SLC26A11: variants seen among roughly 807,000 people sequenced by gnomAD.
SLC26A11 encodes solute carrier family 26 member 11, also known as sodium-independent sulfate anion transporter.
In SLC26A11, 58 loss-of-function variants were observed where a neutral mutation model predicts 62.2. The ratio of observed to expected loss-of-function variants is 0.93; its 90% CI spans 0.76 to 1.16. The LOEUF is 1.16. Among genes scored for constraint, SLC26A11 ranks in the 50% most tolerant of loss-of-function variants. The probability of loss-of-function intolerance (pLI) is 0.00; values close to 1 mark genes in which losing one functional copy is unlikely to be tolerated. For synonymous variants in SLC26A11, 411 were observed against 368.9 expected (o/e 1.11, Z -1.31); for missense variants, 790 against 794.3 (o/e 0.99, Z 0.06).
At chr17:80,249,427 A>T in intron 16 of SLC26A11, 140 bp downstream of exon 16, 4 of 1,226,674 alleles carry the variant, frequency 3.3e-6, no homozygotes, top group Non-Finnish European at 3.4e-6. Context: ...TTCTGATTTA[A>T]ACAGTTCTTG....
chr17:80,242,668 G>A (rs764987402), intron 10 of SLC26A11, among the ~76,000 whole-genome samples: 5 of 152,176 alleles, frequency 3.3e-5, no homozygotes, highest in South Asian at 2.1e-4. Context: ...ACGTCTCTGC[G>A]GGCTGACTTC....
chr17:80,247,735 C>T (rs895964913), intron 13 of SLC26A11, among the ~76,000 whole-genome samples: 7 of 152,172 alleles, frequency 4.6e-5, no homozygotes, highest in South Asian at 2.1e-4. Context: ...CCTATGCGTG[C>T]GGTGGAATCC....
intron 9 of SLC26A11, among the ~76,000 whole-genome samples, chr17:80,240,324 G>A (rs368212249): frequency 1.7e-4 from 25 of 150,532 alleles, no homozygotes; most frequent in Admixed American, 1.2e-3. Flanking sequence ...CCAAGATCGC[G>A]CCACTGTACT....
In SLC26A11 at chr17:80,223,311, G is replaced by A. The variant is rs367684406; in HGVS notation, c.487G>A (p.Val163Ile). 4.5e-5 allele frequency: 72 copies of A among 1,614,102 alleles called. No homozygotes were observed. The highest frequency in any genetic ancestry group is 3.3e-4 in the Middle Eastern group (2 of 6,060). Residue 163 changes from valine (V) to isoleucine (I), a missense_variant, in exon 5 of 18, where the codon GTC becomes ATC. By Grantham distance (29) the Val-to-Ile change is conservative. Transcript: ENST00000361193. This position sits in a 1 kb window ranked among gnomAD's most constrained non-coding sequence, Gnocchi z 4.6. ...TAAAGGCTTCACCTCTGCTGCTGCC[G>A]TCACCATCGGCTTTGGACAGATCAA... Reference protein sequence around the residue: ...VIKGFTSAAAVTIGFGQIKNL... With the variant: ...VIKGFTSAAAITIGFGQIKNL...
rs1444265174 is a variant in SLC26A11 at position 80,220,465 on chromosome 17, G to C, written c.-245G>C. 4.5e-6 allele frequency: 3 copies of C among 663,922 alleles called. No individual in the cohort carries two copies. Among genetic ancestry groups the C allele is most frequent in the Non-Finnish European group, 6.8e-6 (3 of 440,672 alleles). The allele number at this position is 663,922 out of a possible 1,614,324, so 41.1% of individuals were successfully genotyped here. On this transcript the variant is annotated 5_prime_UTR_variant, in exon 1 of 18. Coordinates refer to ENST00000361193, the MANE Select transcript of SLC26A11 (RefSeq NM_001166347.2). ...TTCCTGCGGACCCAGCTGCGGCGAC[G>C]CCAGGAGACCCCAAGCTGCATCGCC...
intron 7 of SLC26A11, among the ~76,000 whole-genome samples, chr17:80,230,138 T>G (rs2042522998): frequency 6.9e-6 from 1 of 144,530 alleles, no homozygotes; most frequent in African/African-American, 2.6e-5. Flanking sequence ...GAGGTTATAG[T>G]GAGCCAAGAC....
chr17:80,248,704 G>A (rs765140393), intron 15 of SLC26A11, 30 bp downstream of exon 15: 31 of 1,547,052 alleles, frequency 2.0e-5, no homozygotes, highest in Non-Finnish European at 2.4e-5. Context: ...GGTGGTCTGA[G>A]GTCACTCCCC....
chr17:80,227,602 G>T (rs2042445661), intron 6 of SLC26A11, among the ~76,000 whole-genome samples: 1 of 152,262 alleles, frequency 6.6e-6, no homozygotes, highest in Admixed American at 6.5e-5. Context: ...GCTTGCTAAA[G>T]TTCCTGAGCT....
chr17:80,223,938 C>A lies in SLC26A11; in HGVS notation c.513+601C>A, dbSNP rs1208269774. 6.6e-6 allele frequency among the ~76,000 whole-genome samples: 1 copy of A among 152,182 alleles called. No individual in the cohort carries two copies. Among genetic ancestry groups the A allele is most frequent in the Non-Finnish European group, 1.5e-5 (1 of 68,042 alleles). On this transcript the variant is annotated intron_variant, in intron 5 of 17. Coordinates refer to ENST00000361193, the MANE Select transcript of SLC26A11 (RefSeq NM_001166347.2). This position sits in a 1 kb window ranked among gnomAD's most constrained non-coding sequence, Gnocchi z 4.6. ...GGAACTGTCCTTCTCCCAGCCATGG[C>A]CGCCCAGCATTGGGCTGGTGCAGTA...
chr17:80,251,971 G>T (rs1269965316), intron 17 of SLC26A11, among the ~76,000 whole-genome samples: 1 of 152,124 alleles, frequency 6.6e-6, no homozygotes, highest in Admixed American at 6.6e-5. Context: ...TGTCCTTCCA[G>T]CCGAAAGTCC....
Position 80,246,211 on chromosome 17 carries a change from T to A in SLC26A11, c.1153+2T>A, listed in dbSNP as rs773060485. ...CCCCGGCGGGGGGCCTGGTGACGGGTAAGGCCCCCCATCTTCCCCTTGTGC... is the reference window on the plus strand; with the variant it reads ...CCCCGGCGGGGGGCCTGGTGACGGGAAAGGCCCCCCATCTTCCCCTTGTGC... On this transcript the variant is annotated splice_donor_variant, in intron 12 of 17. Transcript: ENST00000361193. LOFTEE classifies it high-confidence loss of function. This position sits in a 1 kb window ranked among gnomAD's most constrained non-coding sequence, Gnocchi z 4.4. 19 of 1,609,696 alleles carry A rather than the reference T, an allele frequency of 1.2e-5. No homozygotes were observed. Among genetic ancestry groups the A allele is most frequent in the Non-Finnish European group, 1.6e-5 (19 of 1,178,730 alleles).
chr17:80,237,169 C>T, intron 8 of SLC26A11, 66 bp downstream of exon 8: 1 of 1,544,310 alleles, frequency 6.5e-7, no homozygotes, highest in South Asian at 1.2e-5. Flanking sequence ...TGGCTCCTAC[C>T]CTGATGTATC....
chr17:80,222,151 C>T lies in SLC26A11; in HGVS notation c.234+357C>T, dbSNP rs537218510. 2.2e-5 allele frequency: 5 copies of T among 225,364 alleles called. No individual in the cohort carries two copies. In the South Asian group the frequency reaches 4.0e-4, roughly 18 times the overall value. 14.0% of individuals were successfully genotyped at this position (225,364 alleles called of 1,614,324 possible). On this transcript the variant is annotated intron_variant, in intron 3 of 17. Transcript: ENST00000361193. The surrounding 1 kb of genome is among the most constrained non-coding windows in gnomAD (Gnocchi z 4.7). ...CAGCACTTTGGGAGGCCGAGGCAGGCGGATCGCAAGGTCAGGAGATGGAGA... is the reference window on the plus strand; with the variant it reads ...CAGCACTTTGGGAGGCCGAGGCAGGTGGATCGCAAGGTCAGGAGATGGAGA...
chr17:80,248,564 C>T lies in SLC26A11; in HGVS notation c.1423-11C>T, dbSNP rs1333154471. 77 of 1,566,578 alleles carry T rather than the reference C, an allele frequency of 4.9e-5. No homozygotes were observed. Among genetic ancestry groups the T allele is most frequent in the Non-Finnish European group, 6.5e-5 (75 of 1,155,934 alleles). On this transcript the variant is annotated splice_polypyrimidine_tract_variant and intron_variant, in intron 14 of 17. Coordinates refer to ENST00000361193, the MANE Select transcript of SLC26A11 (RefSeq NM_001166347.2). ...GTCAGACCCGCCTCCAGGACTCACTCCTCCCCACAGGTGTCAGAGGGGCCG... is the reference window on the plus strand; with the variant it reads ...GTCAGACCCGCCTCCAGGACTCACTTCTCCCCACAGGTGTCAGAGGGGCCG...
At position 80,221,682 on chromosome 17, in the gene SLC26A11, C is replaced by G; in HGVS notation, c.122C>G (p.Pro41Arg). The G allele has an allele frequency of 1.2e-6, 2 of 1,613,476 alleles. No homozygotes were observed. The highest frequency in any genetic ancestry group is 1.3e-5 in the African/African-American group (1 of 75,050). The change falls in exon 3 of 18, where the codon CCC becomes CGC. Residue 41 changes from proline (P) to arginine (R), a missense_variant. Pro to Arg is a moderately radical substitution (Grantham distance 103). Transcript: ENST00000361193. ...AGGCTGCCCATCCTGGCGTGGCTGC[C>G]CAGCTACTCCCTGCAGTGGCTGAAG... Reference protein sequence around the residue: ...QRRLPILAWLPSYSLQWLKMD... With the variant: ...QRRLPILAWLRSYSLQWLKMD...
chr17:80,225,366 C>T (rs887430032), intron 5 of SLC26A11, among the ~76,000 whole-genome samples: 17 of 152,156 alleles, frequency 1.1e-4, no homozygotes, highest in African/African-American at 3.6e-4. Flanking sequence ...TTTTTCCTCC[C>T]GCAGCAGCGG....
In SLC26A11 at chr17:80,246,823, G is replaced by A. The variant is rs557741698; in HGVS notation, c.1294+174G>A. Among the ~76,000 whole-genome samples, 4 of 152,180 alleles carry A rather than the reference G, an allele frequency of 2.6e-5. No individual in the cohort carries two copies. Among genetic ancestry groups the A allele is most frequent in the Admixed American group, 6.5e-5 (1 of 15,286 alleles). ...AGGAGATGGCCCCAGAGATGGTCCC[G>A]AGGCTCAGTGGGAAGAGCTGGAGCT... On this transcript the variant is annotated intron_variant, in intron 13 of 17. Transcript: ENST00000361193. This position sits in a 1 kb window ranked among gnomAD's most constrained non-coding sequence, Gnocchi z 4.4.
At chr17:80,244,529 C>G (rs2042945707) in intron 10 of SLC26A11, among the ~76,000 whole-genome samples, 1 of 152,158 alleles carries the variant, frequency 6.6e-6, no homozygotes, top group African/African-American at 2.4e-5. Flanking sequence ...ACAGGAGAGG[C>G]TGGGTGAGAA....
chr17:80,221,564 CCTT>C lies in SLC26A11; in HGVS notation c.9_11del (p.Ser4del), dbSNP rs774948597. 1 of 1,590,686 alleles carries C rather than the reference CCTT, an allele frequency of 6.3e-7. No individual in the cohort carries two copies. The highest frequency in any genetic ancestry group is 1.1e-5 in the South Asian group (1 of 89,624). ...ACCCCCCAGCCCCACCGTAGAGATGCCTTCTTCGGTGACGGCGCTGGGTCAGGC... is the reference window on the plus strand; with the variant it reads ...ACCCCCCAGCCCCACCGTAGAGATGCCTTCGGTGACGGCGCTGGGTCAGGC... On this transcript the variant is annotated inframe_deletion, in exon 3 of 18. Transcript: ENST00000361193.
Sources: gnomAD v4.1 joint callset for allele counts (sites outside exome capture counted in the v4.1 genomes callset) on GRCh38, gnomAD v4.1.1 for gene constraint, Gnocchi (gnomAD v3.1) non-coding constraint, MANE v1.5 for transcripts, NCBI Gene and HGNC (gene_info 2026-07-23, HGNC 2026-07-21) for gene names.